The following ODR4 variants were observed in gnomAD, a reference collection of about 807,000 sequenced individuals.
ODR4 encodes the protein protein odr-4 homolog.
ODR4 carries 47 observed loss-of-function variants against 60.2 expected under a neutral mutation model. The ratio of observed to expected loss-of-function variants is 0.78; its 90% CI spans 0.62 to 1.00. The LOEUF is 1.00. Among genes scored for constraint, ODR4 ranks in the 50% least tolerant of loss-of-function variants. The pLI, the probability that ODR4 is intolerant of heterozygous loss-of-function variation, is 0.00. For missense variants in ODR4, 488 were observed against 530.8 expected, an observed-to-expected ratio of 0.92 and a Z score of 0.79; for synonymous variants, 178 against 175.5, an observed-to-expected ratio of 1.01 and a Z score of -0.11.
intron 11 of ODR4, among the ~76,000 whole-genome samples, chr1:186,405,464 T>C (rs1387246580): frequency 6.6e-6 from 1 of 152,168 alleles, no homozygotes; most frequent in African/African-American, 2.4e-5. Flanking sequence ...AAGGACAAAA[T>C]TGTCTCTTGA....
At chr1:186,385,967 A>G in intron 3 of ODR4, 21 bp from the exon 4 acceptor site, 1 of 1,454,226 alleles carries the variant, frequency 6.9e-7, no homozygotes, top group Non-Finnish European at 9.6e-7. Context: ...TTGTTAGCTA[A>G]TAATATATTT....
intron 7 of ODR4, 113 bp downstream of exon 7, chr1:186,390,964 ATGT>A: frequency 1.8e-6 from 2 of 1,127,930 alleles, no homozygotes; most frequent in Non-Finnish European, 2.5e-6. Flanking sequence ...TCTGCTTACA[ATGT>A]TGTTATGTGA....
chr1:186,399,300 G>T (rs1660825193), intron 11 of ODR4: 3 of 461,832 alleles, frequency 6.5e-6, no homozygotes, highest in Non-Finnish European at 8.0e-6. Flanking sequence ...CAGCCTCTTG[G>T]GCTCAAGCAG....
chr1:186,390,561 A>C, intron 6 of ODR4, 150 bp from the exon 7 acceptor site: 1 of 757,076 alleles, frequency 1.3e-6, no homozygotes, highest in Non-Finnish European at 2.1e-6. Flanking sequence ...GTTTAGTTCA[A>C]CCTATAGTCT....
At chr1:186,404,595 C>G (rs1274984696) in intron 11 of ODR4, among the ~76,000 whole-genome samples, 1 of 152,144 alleles carries the variant, frequency 6.6e-6, no homozygotes, top group Non-Finnish European at 1.5e-5. Flanking sequence ...AATTTTCGTG[C>G]TACAGTACAA....
At chr1:186,405,616 G>A (rs573027505) in intron 11 of ODR4, among the ~76,000 whole-genome samples, 22 of 152,176 alleles carry the variant, frequency 1.4e-4, no homozygotes, top group African/African-American at 5.1e-4. Context: ...GCAGTGGTGC[G>A]ATCTTGGCTC....
intron 4 of ODR4, among the ~76,000 whole-genome samples, chr1:186,388,116 T>A (rs993943643): frequency 1.3e-5 from 2 of 152,210 alleles, no homozygotes; most frequent in Admixed American, 1.3e-4. Context: ...TAAATTTTTT[T>A]ATTTAAACCC....
At position 186,407,981 on chromosome 1, in the gene ODR4, A is replaced by G. The variant is rs58093674; in HGVS notation, c.1186+1713A>G. Among the ~76,000 whole-genome samples, 1,030 of 152,192 alleles carry G rather than the reference A, an allele frequency of 6.8e-3. 17 individuals are homozygous for G. Among genetic ancestry groups the G allele is most frequent in the African/African-American group, 0.024 (992 of 41,544 alleles). ...AAAATTACTTCTTAAATATACTCTGATTTGCCTTCCTTGAAATATGTTACC... is the reference window on the plus strand; with the variant it reads ...AAAATTACTTCTTAAATATACTCTGGTTTGCCTTCCTTGAAATATGTTACC... On this transcript the variant is annotated intron_variant, in intron 12 of 13. Transcript: ENST00000287859.
rs544532390 is a variant in ODR4 at position 186,381,732 on chromosome 1, A to G, written c.100-1290A>G. 1.6e-4 allele frequency among the ~76,000 whole-genome samples: 25 copies of G among 152,174 alleles called. No individual in the cohort carries two copies. The South Asian group carries it at 5.0e-3, about 30-fold the overall frequency. Reference sequence around the variant, plus strand: ...CGTGCTTTTTCTTCCAGAGTTCATTACTTTTTCCTCTCCTTCCTCTTAAGC... The same window carrying G: ...CGTGCTTTTTCTTCCAGAGTTCATTGCTTTTTCCTCTCCTTCCTCTTAAGC... On this transcript the variant is annotated intron_variant, in intron 2 of 13. Transcript: ENST00000287859.
Position 186,398,816 on chromosome 1 carries a change from A to G in ODR4, c.910-138A>G, listed in dbSNP as rs1660799363. On this transcript the variant is annotated intron_variant, in intron 10 of 13. Transcript: ENST00000287859. Reference sequence around the variant, plus strand: ...TAATAAGTGTGCTAAATAAGTGGAAATAAAACATTGAATGATGTATCAGTT... The same window carrying G: ...TAATAAGTGTGCTAAATAAGTGGAAGTAAAACATTGAATGATGTATCAGTT... The G allele has an allele frequency of 1.4e-5, 8 of 570,480 alleles. No individual in the cohort carries two copies. In the South Asian group the frequency reaches 1.7e-4, roughly 12 times the overall value. The allele number at this position is 570,480 out of a possible 1,614,324, so 35.3% of individuals were successfully genotyped here.
At chr1:186,390,949 T>C (rs1660446166) in intron 7 of ODR4, 98 bp downstream of exon 7, 3 of 1,229,618 alleles carry the variant, frequency 2.4e-6, no homozygotes, top group Non-Finnish European at 3.4e-6. Context: ...CCTCAAAAAT[T>C]ACATTCTGCT....
intron 9 of ODR4, among the ~76,000 whole-genome samples, chr1:186,396,890 A>G (rs1017580156): frequency 6.6e-6 from 1 of 152,152 alleles, no homozygotes; most frequent in African/African-American, 2.4e-5. Flanking sequence ...TGTCTACAAT[A>G]AAAAGTTATG....
At chr1:186,404,173 T>A (rs1180225369) in intron 11 of ODR4, among the ~76,000 whole-genome samples, 1 of 152,238 alleles carries the variant, frequency 6.6e-6, no homozygotes, top group Non-Finnish European at 1.5e-5. Context: ...ATTCAGATAA[T>A]GTTGAACTAG....
downstream of ODR4, among the ~76,000 whole-genome samples, chr1:186,423,709 C>T (rs909424091): frequency 2.6e-5 from 4 of 151,966 alleles, no homozygotes; most frequent in Admixed American, 1.3e-4. Context: ...CCTGCCTCGG[C>T]CTCCTAAAGT....
chr1:186,426,399 A>G, the ODR4 span, among the ~76,000 whole-genome samples: 3 of 152,210 alleles, frequency 2.0e-5, no homozygotes, highest in East Asian at 5.8e-4. Context: ...TGTGATATCC[A>G]AGACAGTTCA....
chr1:186,375,925 A>G lies in ODR4; in HGVS notation c.-69A>G, dbSNP rs114841599. 4.4e-3 allele frequency: 963 copies of G among 217,170 alleles called. 12 individuals are homozygous for G. The highest frequency in any genetic ancestry group is 0.021 in the African/African-American group (926 of 44,658). The allele number at this position is 217,170 out of a possible 1,614,324, so 13.5% of individuals were successfully genotyped here. Reference sequence around the variant, plus strand: ...GGCCCGAAACCCCCATCTCCGGCGGAGAGACCGTCCGAGGTAATTGTCTGC... The same window carrying G: ...GGCCCGAAACCCCCATCTCCGGCGGGGAGACCGTCCGAGGTAATTGTCTGC... On this transcript the variant is annotated 5_prime_UTR_variant, in exon 1 of 14. Coordinates refer to ENST00000287859, the MANE Select transcript of ODR4 (RefSeq NM_017847.6).
At position 186,388,509 on chromosome 1, in the gene ODR4, C is replaced by G. The variant is rs977723753; in HGVS notation, c.398C>G (p.Ser133Ter). 1 of 1,567,196 alleles carries G rather than the reference C, an allele frequency of 6.4e-7. No individual in the cohort carries two copies. Among genetic ancestry groups the G allele is most frequent in the Non-Finnish European group, 8.7e-7 (1 of 1,155,824 alleles). ...TGGAATTTCACAGAGGAGGAAGTCT[C>G]AGAACGAGTGACACTTCACATTTGT... The part of the protein sequence containing the change: ...RLWNFTEEEV[S>*]ERVTLHICAS... Residue 133 changes from serine (S) to a stop codon, truncating the protein, a stop_gained, in exon 5 of 14, where the codon TCA (serine) becomes TGA (stop). Transcript: ENST00000287859. LOFTEE classifies it high-confidence loss of function.
At chr1:186,406,524 T>C (rs911271872) in intron 12 of ODR4, among the ~76,000 whole-genome samples, 9 of 152,188 alleles carry the variant, frequency 5.9e-5, no homozygotes, top group African/African-American at 1.7e-4. Flanking sequence ...TAGATCTTAA[T>C]AAAACAAGTT....
Position 186,375,857 on chromosome 1 carries a change from A to C in ODR4, c.-137A>C. The C allele has an allele frequency of 4.9e-6, 1 of 202,340 alleles. No homozygotes were observed. The highest frequency in any genetic ancestry group is 5.9e-5 in the South Asian group (1 of 17,086). 12.5% of individuals were successfully genotyped at this position (202,340 alleles called of 1,614,324 possible). A position where few individuals can be genotyped will look rare whatever the true frequency, so the allele number is the denominator to read the frequency against. On this transcript the variant is annotated 5_prime_UTR_variant, in exon 1 of 14. Coordinates refer to ENST00000287859, the MANE Select transcript of ODR4 (RefSeq NM_017847.6). Reference sequence around the variant, plus strand: ...CTTTCTGATGAATTCAGTGGCAGTGAATTGAGACCGGAGGGAATCTGGCCC... The same window carrying C: ...CTTTCTGATGAATTCAGTGGCAGTGCATTGAGACCGGAGGGAATCTGGCCC...
Sources: gnomAD v4.1 joint callset for allele counts (sites outside exome capture counted in the v4.1 genomes callset) on GRCh38, gnomAD v4.1.1 for gene constraint, MANE v1.5 for transcripts, NCBI Gene and HGNC (gene_info 2026-07-23, HGNC 2026-07-21) for gene names.